Variants in RFX3 observed in about 807,000 individuals in gnomAD.
The protein encoded by RFX3 is transcription factor RFX3.
RFX3 carries 14 observed loss-of-function variants against 98.6 expected under a neutral mutation model. That is an observed-to-expected ratio of 0.14 (90% confidence interval 0.09 to 0.22). The LOEUF (loss-of-function observed/expected upper bound fraction) is 0.22. RFX3 is among the 10% of genes least tolerant of loss of function. The pLI is 1.00. For synonymous variants in RFX3, 383 were observed against 328.4 expected (o/e 1.17, Z -1.80); for missense variants, 639 against 926.9 (o/e 0.69, Z 4.03).
chr9:3,351,964 AC>A (rs1835189044), intron 2 of RFX3, among the ~76,000 whole-genome samples: 1 of 151,968 alleles, frequency 6.6e-6, no homozygotes. Flanking sequence ...GAGTTGCTGT[AC>A]AAAAAAATTT....
chr9:3,349,071 T>C (rs1834780980), intron 2 of RFX3, among the ~76,000 whole-genome samples: 1 of 152,140 alleles, frequency 6.6e-6, no homozygotes, highest in African/African-American at 2.4e-5. Flanking sequence ...GAAATACACA[T>C]ATTTTTTGAA....
At chr9:3,303,583 G>A (rs1426580806) in intron 4 of RFX3, among the ~76,000 whole-genome samples, 3 of 151,608 alleles carry the variant, frequency 2.0e-5, no homozygotes. Flanking sequence ...TAAAGGAGAA[G>A]TCCATGCTCT....
At chr9:3,308,596 A>C (rs1426301222) in intron 4 of RFX3, among the ~76,000 whole-genome samples, 5 of 152,208 alleles carry the variant, frequency 3.3e-5, no homozygotes, top group African/African-American at 1.2e-4. Flanking sequence ...ACATATTAGC[A>C]GGAACATGAA....
At chr9:3,511,586 T>C (rs142913682) in intron 1 of RFX3, among the ~76,000 whole-genome samples, 1,809 of 152,116 alleles carry the variant, frequency 0.012, 32 homozygotes, top group African/African-American at 0.032. Context: ...TTGAAGGAAA[T>C]ATTCCAGAAG....
At chr9:3,424,029 C>T (rs1843715098) in intron 1 of RFX3, among the ~76,000 whole-genome samples, 1 of 151,058 alleles carries the variant, frequency 6.6e-6, no homozygotes, top group Non-Finnish European at 1.5e-5. Flanking sequence ...TGCCTGTAGT[C>T]CCAGCTACTC....
At chr9:3,330,100 A>G (rs983371294) in intron 4 of RFX3, among the ~76,000 whole-genome samples, 159 bp downstream of exon 4, 1 of 152,196 alleles carries the variant, frequency 6.6e-6, no homozygotes, top group African/African-American at 2.4e-5. Context: ...ATTCTGCATA[A>G]TACTACATAT....
At chr9:3,516,129 A>G (rs779207689) in intron 1 of RFX3, among the ~76,000 whole-genome samples, 9 of 152,058 alleles carry the variant, frequency 5.9e-5, no homozygotes, top group African/African-American at 9.7e-5. Context: ...GCTCACTGCA[A>G]GCTCCACCTC....
Position 3,518,966 on chromosome 9 carries a change from A to G in RFX3, c.-9+6781T>C, listed in dbSNP as rs182177138. Among the ~76,000 whole-genome samples, 644 of 152,320 alleles carry G rather than the reference A, an allele frequency of 4.2e-3. 5 individuals are homozygous for G. The highest frequency in any genetic ancestry group is 0.015 in the African/African-American group (625 of 41,584). ...TGTAGAATAATTCTTTGATAAACTC[A>G]TCTTTACACAACTGACTAGACTATT... On this transcript the variant is annotated intron_variant, in intron 1 of 16. Transcript: ENST00000617270.
chr9:3,437,440 A>C (rs1845233721), intron 1 of RFX3, among the ~76,000 whole-genome samples: 1 of 152,106 alleles, frequency 6.6e-6, no homozygotes, highest in African/African-American at 2.4e-5. Flanking sequence ...AGAACACAGA[A>C]TGAACAAGAA....
At chr9:3,317,227 C>G (rs535067003) in intron 4 of RFX3, among the ~76,000 whole-genome samples, 1 of 152,222 alleles carries the variant, frequency 6.6e-6, no homozygotes, top group Non-Finnish European at 1.5e-5. Flanking sequence ...CATCTATAAC[C>G]ATCTGATCTT....
chr9:3,271,206 G>T, intron 9 of RFX3, 88 bp from the exon 10 acceptor site: 1 of 1,117,840 alleles, frequency 8.9e-7, no homozygotes. Flanking sequence ...ATTTTATATG[G>T]TCAAGTTCTC....
chr9:3,499,502 T>C (rs1162409315), intron 1 of RFX3, among the ~76,000 whole-genome samples: 2 of 152,032 alleles, frequency 1.3e-5, no homozygotes, highest in South Asian at 2.1e-4. Flanking sequence ...ACTTAATAAA[T>C]TATTCACATA....
intron 4 of RFX3, among the ~76,000 whole-genome samples, chr9:3,315,422 G>A (rs551924677): frequency 2.0e-3 from 298 of 152,250 alleles, no homozygotes; most frequent in African/African-American, 7.0e-3. Context: ...GAGAAAGCAG[G>A]AAAGATCTAA....
intron 1 of RFX3, among the ~76,000 whole-genome samples, chr9:3,446,074 C>G (rs1846021716): frequency 6.6e-6 from 1 of 152,058 alleles, no homozygotes; most frequent in African/African-American, 2.4e-5. Flanking sequence ...CCTGTATCTC[C>G]ACTGCCCAAG....
intron 4 of RFX3, among the ~76,000 whole-genome samples, chr9:3,309,030 G>A (rs10971286): frequency 1.1e-4 from 16 of 152,148 alleles, no homozygotes; most frequent in Admixed American, 7.2e-4. Context: ...AAAGTAGTAC[G>A]GTCACAAATG....
intron 15 of RFX3, among the ~76,000 whole-genome samples, chr9:3,234,407 G>A (rs1181039518): frequency 2.0e-5 from 3 of 152,198 alleles, no homozygotes; most frequent in African/African-American, 7.2e-5. Context: ...GGGAAGCACA[G>A]GTGTGCGTAT....
At chr9:3,429,924 A>G (rs1844492573) in intron 1 of RFX3, among the ~76,000 whole-genome samples, 1 of 152,198 alleles carries the variant, frequency 6.6e-6, no homozygotes, top group African/African-American at 2.4e-5. Context: ...CCCACGGCCC[A>G]CTTGCAGAGC....
At chr9:3,395,039 AG>A in intron 2 of RFX3, among the ~76,000 whole-genome samples, 1 of 152,362 alleles carries the variant, frequency 6.6e-6, no homozygotes, top group East Asian at 1.9e-4. Flanking sequence ...AATACCACAA[AG>A]GCAAAATCCC....
At chr9:3,297,681 A>G (rs1263143642) in intron 5 of RFX3, among the ~76,000 whole-genome samples, 1 of 151,974 alleles carries the variant, frequency 6.6e-6, no homozygotes, top group Non-Finnish European at 1.5e-5. Flanking sequence ...AAAGTCAAGG[A>G]AAAGTGAGTA....
Sources: allele counts gnomAD v4.1 joint callset (sites outside exome capture counted in the v4.1 genomes callset), GRCh38; gene constraint gnomAD v4.1.1; transcripts MANE v1.5; gene names NCBI Gene and HGNC (gene_info 2026-07-23, HGNC 2026-07-21).